The following PCCB variants were observed in gnomAD, a reference collection of about 807,000 sequenced individuals.
PCCB encodes propionyl-CoA carboxylase beta chain, mitochondrial.
In PCCB, 43 loss-of-function variants were observed where a neutral mutation model predicts 60.7. The ratio of observed to expected loss-of-function variants is 0.71; its 90% CI spans 0.55 to 0.91. The LOEUF (loss-of-function observed/expected upper bound fraction) is 0.91. Ranked by LOEUF, PCCB falls within the 40% of genes least tolerant of loss-of-function variation. PCCB has a pLI of 0.00. For synonymous variants in PCCB, 276 were observed against 255.9 expected (o/e 1.08, Z -0.75); for missense variants, 766 against 702.8 (o/e 1.09, Z -1.02).
rs372375019 is a variant in PCCB, at chr3:136,273,736, C to T, written c.544-10101C>T. 1.1e-3 allele frequency among the ~76,000 whole-genome samples: 165 copies of T among 149,134 alleles called. No homozygotes were observed. The South Asian group carries it at 0.012, about 11-fold the overall frequency. ...GACCATCCTGGCTAACACGGTGAAA[C>T]CCTGTCTCTACTGAAAATACAAAAA... is the stretch of plus-strand genomic sequence containing the variant. On this transcript the variant is annotated intron_variant, in intron 5 of 14. Transcript: ENST00000251654.
At chr3:136,263,253 G>C (rs1941876304) in intron 5 of PCCB, among the ~76,000 whole-genome samples, 1 of 23,328 alleles carries the variant, frequency 4.3e-5, no homozygotes, top group Admixed American at 7.2e-4. Context: ...GCGCCCAGCT[G>C]GTTTTTTTTT....
intron 1 of PCCB, among the ~76,000 whole-genome samples, chr3:136,254,018 C>T (rs1455823785): frequency 2.0e-5 from 3 of 151,944 alleles, no homozygotes; most frequent in Non-Finnish European, 4.4e-5. Context: ...TTCTACTTTA[C>T]GTGACAGTGT....
chr3:136,296,114 A>G (rs1216600564), intron 7 of PCCB, among the ~76,000 whole-genome samples: 1 of 152,176 alleles, frequency 6.6e-6, no homozygotes, highest in African/African-American at 2.4e-5. Context: ...TAATTCATAT[A>G]CCGTATATTT....
intron 10 of PCCB, among the ~76,000 whole-genome samples, chr3:136,321,397 A>G (rs1018925440): frequency 9.9e-5 from 15 of 152,218 alleles, no homozygotes; most frequent in Admixed American, 6.5e-4. Flanking sequence ...AAGCCTGGGT[A>G]TTCTATAAAG....
intron 1 of PCCB, among the ~76,000 whole-genome samples, chr3:136,253,688 T>A (rs1941590269): frequency 6.7e-6 from 1 of 150,058 alleles, no homozygotes; most frequent in Non-Finnish European, 1.5e-5. Flanking sequence ...TTTTTTTTCT[T>A]GAGACAGGGT....
At chr3:136,309,442 G>A (rs777327670) in intron 9 of PCCB, among the ~76,000 whole-genome samples, 8 of 152,220 alleles carry the variant, frequency 5.3e-5, no homozygotes, top group Middle Eastern at 3.4e-3. Flanking sequence ...CTTCAAAAAA[G>A]AGACAGTAAA....
intron 9 of PCCB, among the ~76,000 whole-genome samples, chr3:136,312,765 A>T (rs1934719146): frequency 6.6e-6 from 1 of 152,192 alleles, no homozygotes. Flanking sequence ...TGACTGTGAA[A>T]ATTTTAAAAT....
intron 5 of PCCB, among the ~76,000 whole-genome samples, chr3:136,280,019 C>T (rs533350465): frequency 7.9e-5 from 12 of 152,142 alleles, no homozygotes; most frequent in East Asian, 7.7e-4. Flanking sequence ...CTGCTGGGGC[C>T]GCAACTGCTG....
chr3:136,298,875 T>C (rs2108203829), intron 8 of PCCB, among the ~76,000 whole-genome samples: 1 of 152,354 alleles, frequency 6.6e-6, no homozygotes, highest in South Asian at 2.1e-4. Flanking sequence ...TCCTGTAGCT[T>C]AAACCTGGAC....
intron 1 of PCCB, among the ~76,000 whole-genome samples, chr3:136,253,574 G>C (rs1046355359): frequency 1.3e-5 from 2 of 151,556 alleles, no homozygotes; most frequent in Non-Finnish European, 2.9e-5. Context: ...TAGTAGAGAC[G>C]GGGTTTCACC....
chr3:136,326,646 C>A (rs529005468), intron 10 of PCCB, among the ~76,000 whole-genome samples, 157 bp from the exon 11 acceptor site: 1 of 152,282 alleles, frequency 6.6e-6, no homozygotes, highest in Non-Finnish European at 1.5e-5. Flanking sequence ...TTCCCTGTTT[C>A]CTGGAGTTTG....
intron 1 of PCCB, among the ~76,000 whole-genome samples, chr3:136,254,649 C>T (rs573113646): frequency 6.7e-6 from 1 of 150,102 alleles, no homozygotes; most frequent in Non-Finnish European, 1.5e-5. Flanking sequence ...TCTCCTGCCT[C>T]AGCCTCTTGA....
At chr3:136,325,143 G>T (rs1312223220) in intron 10 of PCCB, among the ~76,000 whole-genome samples, 3 of 151,876 alleles carry the variant, frequency 2.0e-5, no homozygotes, top group Non-Finnish European at 2.9e-5. Flanking sequence ...GCCCACCTTG[G>T]CCTCCCAAAA....
intron 5 of PCCB, 60 bp downstream of exon 5, chr3:136,262,125 C>A: frequency 9.3e-7 from 1 of 1,080,578 alleles, no homozygotes; most frequent in Non-Finnish European, 1.4e-6. Context: ...TAAGCCATGG[C>A]CTGGCCAGAG....
At chr3:136,279,659 TTTTA>T (rs746194509) in intron 5 of PCCB, among the ~76,000 whole-genome samples, 8 of 152,164 alleles carry the variant, frequency 5.3e-5, no homozygotes, top group African/African-American at 1.2e-4. Flanking sequence ...TGCATTTTAT[TTTTA>T]TTTATTTATT....
Position 136,326,895 on chromosome 3 carries a change from C to T in PCCB, c.1183C>T (p.Pro395Ser), listed in dbSNP as rs1168072391. 1 of 1,608,190 alleles carries T rather than the reference C, an allele frequency of 6.2e-7. No individual in the cohort carries two copies. Among genetic ancestry groups the T allele is most frequent in the Admixed American group, 1.7e-5 (1 of 59,996 alleles). Reference protein sequence around the residue: ...NIPLITFVDVPGFLPGTAQEY... With the variant: ...NIPLITFVDVSGFLPGTAQEY... ...TCCACTCATCACTTTTGTTGATGTC[C>T]CTGGCTTTCTACCTGGTAAGTTTTT... Residue 395 changes from proline (P) to serine (S), a missense_variant, in exon 11 of 15, where the codon CCT (proline) becomes TCT (serine). Physicochemically the swap from Pro to Ser is moderately conservative, Grantham distance 74 (BLOSUM62 -1). Transcript: ENST00000251654.
At chr3:136,295,767 G>A (rs968472104) in intron 7 of PCCB, among the ~76,000 whole-genome samples, 3 of 151,488 alleles carry the variant, frequency 2.0e-5, no homozygotes, top group Non-Finnish European at 2.9e-5. Flanking sequence ...GTCTTTTCAC[G>A]CACATGAGCG....
chr3:136,310,148 G>C (rs1028508976), intron 9 of PCCB, among the ~76,000 whole-genome samples: 36 of 152,124 alleles, frequency 2.4e-4, no homozygotes, highest in Admixed American at 1.9e-3. Context: ...CGGATCACCT[G>C]AGGTCGGGAG....
At chr3:136,256,017 C>T (rs1941663809) in intron 2 of PCCB, 42 bp downstream of exon 2, 7 of 1,613,734 alleles carry the variant, frequency 4.3e-6, no homozygotes, top group Non-Finnish European at 5.9e-6. Context: ...TTAGGTGTGG[C>T]TCAGCTGGCC....
Sources: allele counts gnomAD v4.1 joint callset (sites outside exome capture counted in the v4.1 genomes callset), GRCh38; gene constraint gnomAD v4.1.1; transcripts MANE v1.5; gene names NCBI Gene and HGNC (gene_info 2026-07-23, HGNC 2026-07-21).